VTA1: variants seen among roughly 807,000 people sequenced by gnomAD.
VTA1 encodes vesicle trafficking 1.
A neutral mutation model predicts 36.9 loss-of-function variants in VTA1; 24 were observed. That is an observed-to-expected ratio of 0.65 (90% CI 0.47 to 0.91). The LOEUF is 0.91. VTA1 is among the 40% of genes least tolerant of loss of function. VTA1 has a pLI of 0.00. For missense variants in VTA1, 393 were observed against 377.2 expected (o/e 1.04, Z -0.35); for synonymous variants, 142 against 130.2 (o/e 1.09, Z -0.62).
chr6:142,164,122 T>TA (rs1053852967), intron 1 of VTA1, among the ~76,000 whole-genome samples: 1 of 152,054 alleles, frequency 6.6e-6, no homozygotes, highest in Non-Finnish European at 1.5e-5. Flanking sequence ...AGCATCCTCT[T>TA]AAAAATAAGA....
chr6:142,208,786 C>T (rs774178674), intron 7 of VTA1, among the ~76,000 whole-genome samples: 50 of 152,238 alleles, frequency 3.3e-4, no homozygotes, highest in Middle Eastern at 3.4e-3. Context: ...AAACTGTCAT[C>T]TAGGAATATT....
chr6:142,189,597 T>C, intron 5 of VTA1, 63 bp downstream of exon 5: 1 of 1,340,726 alleles, frequency 7.5e-7, no homozygotes, highest in Non-Finnish European at 1.0e-6. Context: ...AGTAGATTAC[T>C]CAAAGTTTTT....
At chr6:142,198,304 A>C in intron 5 of VTA1, 135 bp from the exon 6 acceptor site, 1 of 692,826 alleles carries the variant, frequency 1.4e-6, no homozygotes, top group Non-Finnish European at 2.2e-6. Context: ...TTTTAAGAAT[A>C]GAGCTTGCTT....
At chr6:142,172,921 G>C (rs375042517) in intron 4 of VTA1, among the ~76,000 whole-genome samples, 1 of 150,656 alleles carries the variant, frequency 6.6e-6, no homozygotes, top group South Asian at 2.1e-4. Context: ...TATAATAGGA[G>C]CCTGTACAAT....
intron 5 of VTA1, among the ~76,000 whole-genome samples, chr6:142,190,311 A>G (rs1775429561): frequency 6.6e-6 from 1 of 152,114 alleles, no homozygotes. Flanking sequence ...TCAAGTAAGC[A>G]TTTTTAGTTT....
At chr6:142,201,857 T>C (rs372850052) in intron 6 of VTA1, among the ~76,000 whole-genome samples, 24 of 152,090 alleles carry the variant, frequency 1.6e-4, no homozygotes, top group Admixed American at 1.2e-3. Flanking sequence ...CTTTCTTCCT[T>C]TTTCTGTGTC....
At chr6:142,200,502 A>G (rs544230747) in intron 6 of VTA1, among the ~76,000 whole-genome samples, 13 of 152,090 alleles carry the variant, frequency 8.5e-5, no homozygotes, top group South Asian at 4.1e-4. Flanking sequence ...ACATCAGTAT[A>G]TATTTTATAT....
rs1344521596 is a variant in VTA1, at chr6:142,220,202, G to A, written c.*1559G>A. The A allele has an allele frequency of 6.6e-6, 1 of 152,178 alleles. No individual in the cohort carries two copies. The highest frequency in any genetic ancestry group is 1.5e-5 in the Non-Finnish European group (1 of 68,034). The allele number at this position is 152,178 out of a possible 1,614,324, so 9.4% of individuals were successfully genotyped here. ...TACAAGAGGTATGAACATTTGTAGG[G>A]TTCCACATTTGCATCTAGAAATCCA... On this transcript the variant is annotated 3_prime_UTR_variant, in exon 8 of 8. Coordinates refer to ENST00000367630, the MANE Select transcript of VTA1 (RefSeq NM_016485.5).
At chr6:142,199,527 A>G (rs1775637048) in intron 6 of VTA1, among the ~76,000 whole-genome samples, 1 of 152,086 alleles carries the variant, frequency 6.6e-6, no homozygotes, top group Admixed American at 6.6e-5. Flanking sequence ...CCTATTATGT[A>G]ACACACTACT....
intron 1 of VTA1, among the ~76,000 whole-genome samples, chr6:142,158,970 ATTCTC>A (rs1774716133): frequency 6.6e-6 from 1 of 152,172 alleles, no homozygotes; most frequent in South Asian, 2.1e-4. Flanking sequence ...TTTTTTAACT[ATTCTC>A]TTTTAAAGAA....
At chr6:142,163,733 A>G (rs1255605074) in intron 1 of VTA1, among the ~76,000 whole-genome samples, 1 of 150,966 alleles carries the variant, frequency 6.6e-6, no homozygotes, top group Non-Finnish European at 1.5e-5. Context: ...GCAAGAAAAC[A>G]TAGTTCATAA....
At chr6:142,181,530 G>A (rs1775239778) in intron 4 of VTA1, among the ~76,000 whole-genome samples, 1 of 149,964 alleles carries the variant, frequency 6.7e-6, no homozygotes, top group African/African-American at 2.4e-5. Flanking sequence ...AAATTAAATA[G>A]TTGGAGAATC....
chr6:142,191,708 C>T (rs1277461849), intron 5 of VTA1, among the ~76,000 whole-genome samples: 1 of 152,026 alleles, frequency 6.6e-6, no homozygotes, highest in Non-Finnish European at 1.5e-5. Flanking sequence ...TAACTTAAAA[C>T]ATAACCTGTT....
intron 7 of VTA1, among the ~76,000 whole-genome samples, chr6:142,204,599 G>T (rs1320593928): frequency 6.6e-6 from 1 of 151,784 alleles, no homozygotes; most frequent in Non-Finnish European, 1.5e-5. Flanking sequence ...GTTTATTTTG[G>T]TCTTTCTCAT....
intron 7 of VTA1, among the ~76,000 whole-genome samples, chr6:142,210,105 T>C (rs536589222): frequency 6.6e-6 from 1 of 152,258 alleles, no homozygotes; most frequent in African/African-American, 2.4e-5. Flanking sequence ...AATCCTGATA[T>C]ACATTTATGC....
intron 7 of VTA1, among the ~76,000 whole-genome samples, chr6:142,212,062 C>T (rs934629128): frequency 1.3e-4 from 20 of 152,324 alleles, no homozygotes; most frequent in African/African-American, 4.8e-4. Flanking sequence ...TCATTCATTG[C>T]TGGTGGGAAT....
chr6:142,203,609 G>T (rs1387499082), intron 6 of VTA1, among the ~76,000 whole-genome samples: 3 of 151,980 alleles, frequency 2.0e-5, no homozygotes, highest in Non-Finnish European at 4.4e-5. Context: ...GTAATTTCAT[G>T]CACAGTGATG....
chr6:142,207,891 C>T (rs1328547027), intron 7 of VTA1, among the ~76,000 whole-genome samples: 1 of 151,946 alleles, frequency 6.6e-6, no homozygotes, highest in Non-Finnish European at 1.5e-5. Context: ...CAAGAGCAGC[C>T]TGGCCAGCCT....
chr6:142,190,290 C>T (rs1444315589), intron 5 of VTA1, among the ~76,000 whole-genome samples: 1 of 152,134 alleles, frequency 6.6e-6, no homozygotes, highest in Non-Finnish European at 1.5e-5. Flanking sequence ...CTTCCCAGAT[C>T]CTACCAAAAC....
Sources: gnomAD v4.1 joint callset for allele counts (sites outside exome capture counted in the v4.1 genomes callset) on GRCh38, gnomAD v4.1.1 for gene constraint, MANE v1.5 for transcripts, NCBI Gene and HGNC (gene_info 2026-07-23, HGNC 2026-07-21) for gene names.